The following COPS7B variants were observed in gnomAD, a reference collection of about 807,000 sequenced individuals.
COPS7B encodes COP9 signalosome subunit 7B.
A neutral mutation model predicts 33.4 loss-of-function variants in COPS7B; 9 were observed. That is an observed-to-expected ratio of 0.27 (90% confidence interval 0.16 to 0.47). The LOEUF is 0.47. Ranked by LOEUF, COPS7B falls within the 20% of genes least tolerant of loss-of-function variation. COPS7B has a pLI of 0.99. For missense variants in COPS7B, 242 were observed against 318.2 expected (o/e 0.76, Z 1.82); for synonymous variants, 119 against 126.3 (o/e 0.94, Z 0.39).
At chr2:231,797,484 A>G (rs1347382489) in intron 5 of COPS7B, among the ~76,000 whole-genome samples, 1 of 152,246 alleles carries the variant, frequency 6.6e-6, no homozygotes, top group African/African-American at 2.4e-5. Context: ...GAACCTGCCA[A>G]AGTTGGCTGT....
At chr2:231,796,409 G>A (rs1574666401) in intron 5 of COPS7B, 101 bp downstream of exon 5, 3 of 1,020,110 alleles carry the variant, frequency 2.9e-6, no homozygotes, top group East Asian at 2.6e-5. Flanking sequence ...GGGTGGGCCT[G>A]TAGCTACCTG....
chr2:231,781,726 A>G (rs1038774694), upstream of COPS7B: 3 of 946,196 alleles, frequency 3.2e-6, no homozygotes, highest in African/African-American at 1.6e-5. Flanking sequence ...TGTGCCGCGC[A>G]GTGTGCGCAA....
intron 6 of COPS7B, among the ~76,000 whole-genome samples, chr2:231,801,778 T>A (rs1274024658): frequency 6.6e-6 from 1 of 151,968 alleles, no homozygotes; most frequent in Admixed American, 6.6e-5. Flanking sequence ...TACTTTTCTT[T>A]TTTTCTTTTT....
intron 6 of COPS7B, among the ~76,000 whole-genome samples, chr2:231,803,708 C>T (rs2049812530): frequency 1.3e-5 from 2 of 152,112 alleles, no homozygotes; most frequent in Admixed American, 1.3e-4. Context: ...TAGGGAGTGG[C>T]AGTACAGAAA....
At chr2:231,783,062 C>G (rs543863214), upstream of COPS7B, among the ~76,000 whole-genome samples, 2 of 152,260 alleles carry the variant, frequency 1.3e-5, no homozygotes, top group East Asian at 3.9e-4. Context: ...ACAGTATGTA[C>G]AGTATGTGTC....
Position 231,807,598 on chromosome 2 carries a change from A to C in COPS7B, c.748A>C (p.Thr250Pro), listed in dbSNP as rs368362019. 1.2e-4 allele frequency: 184 copies of C among 1,585,398 alleles called. No individual in the cohort carries two copies. Among genetic ancestry groups the C allele is most frequent in the Non-Finnish European group, 1.5e-4 (180 of 1,165,586 alleles). The change falls in exon 7 of 7, where the codon ACC (threonine) becomes CCC (proline). Residue 250 changes from threonine (T) to proline (P), a missense_variant. Coordinates refer to ENST00000350033, the MANE Select transcript of COPS7B (RefSeq NM_022730.4). ...CCCTCACGCTGAGCAGAGGCAGCCC[A>C]CCAAGAAGATGTCCAAAGTGAAAGG... ...CPPHAEQRQP[T>P]KKMSKVKGLV... is the part of the protein sequence containing the mutation.
At chr2:231,790,209 C>T (rs931498921) in intron 2 of COPS7B, 2 of 152,038 alleles carry the variant, frequency 1.3e-5, no homozygotes, top group African/African-American at 4.8e-5. Flanking sequence ...ATGAATATGC[C>T]AAGTAGTTGT....
upstream of COPS7B, among the ~76,000 whole-genome samples, chr2:231,784,401 G>A (rs978416573): frequency 6.6e-6 from 1 of 152,010 alleles, no homozygotes; most frequent in African/African-American, 2.4e-5. Context: ...AGGATCCCTT[G>A]AGCCCAGAAG....
chr2:231,787,006 C>G (rs550595990), intron 1 of COPS7B, among the ~76,000 whole-genome samples: 1 of 152,246 alleles, frequency 6.6e-6, no homozygotes, highest in East Asian at 1.9e-4. Context: ...CTCTCCACCC[C>G]CACCTCCTAA....
intron 6 of COPS7B, among the ~76,000 whole-genome samples, chr2:231,800,190 G>A (rs1483673105): frequency 6.6e-6 from 1 of 152,236 alleles, no homozygotes; most frequent in East Asian, 1.9e-4. Flanking sequence ...AACACTTTGA[G>A]AGACCGAGGA....
chr2:231,796,029 G>A (rs757699495), intron 4 of COPS7B, 77 bp from the exon 5 acceptor site: 1 of 1,251,102 alleles, frequency 8.0e-7, no homozygotes, highest in Non-Finnish European at 1.2e-6. Context: ...GCAGCTGTTG[G>A]CTATGGGAGT....
chr2:231,801,013 TACAAAGAATC>T lies in COPS7B; in HGVS notation c.636+2051_636+2060del, dbSNP rs1470630858. The T allele has an allele frequency of 1.7e-5, 13 of 780,508 alleles. No homozygotes were observed. The African/African-American group carries it at 2.3e-4, about 14-fold the overall frequency. 48.3% of individuals were successfully genotyped at this position (780,508 alleles called of 1,614,324 possible). On this transcript the variant is annotated intron_variant, in intron 6 of 6. Coordinates refer to ENST00000350033, the MANE Select transcript of COPS7B (RefSeq NM_022730.4). ...TACTGACTTGAAAGGAAAAGAAATC[TACAAAGAATC>T]AGGGTGATTCTGTCGTATTCTGTTT...
At chr2:231,807,231 A>T (rs2049919816) in intron 6 of COPS7B, among the ~76,000 whole-genome samples, 1 of 152,164 alleles carries the variant, frequency 6.6e-6, no homozygotes, top group South Asian at 2.1e-4. Flanking sequence ...ACTGTTGGTG[A>T]TGTGCCTCTT....
At chr2:231,794,098 C>G (rs764745781) in intron 3 of COPS7B, 165 bp from the exon 4 acceptor site, 1 of 539,104 alleles carries the variant, frequency 1.9e-6, no homozygotes, top group Non-Finnish European at 3.3e-6. Flanking sequence ...TTTGGAAGTA[C>G]ATAGTCTTCC....
rs1370024635 is a variant in COPS7B, at chr2:231,807,688, G to T, written c.*43G>T. 4.0e-6 allele frequency: 6 copies of T among 1,513,238 alleles called. No homozygotes were observed. The highest frequency in any genetic ancestry group is 1.2e-5 in the South Asian group (1 of 80,694). The allele number at this position is 1,513,238 out of a possible 1,614,324, so 93.7% of individuals were successfully genotyped here. A position where few individuals can be genotyped will look rare whatever the true frequency, so the allele number is the denominator to read the frequency against. On this transcript the variant is annotated 3_prime_UTR_variant, in exon 7 of 7. Coordinates refer to ENST00000350033, the MANE Select transcript of COPS7B (RefSeq NM_022730.4). ...GGCACTCACCAGGCCTGGGTCAGGT[G>T]GGGAGGGGACACCAAGGGCCCATTT... is the stretch of plus-strand genomic sequence containing the variant.
At chr2:231,800,227 C>T (rs894131698) in intron 6 of COPS7B, among the ~76,000 whole-genome samples, 5 of 152,166 alleles carry the variant, frequency 3.3e-5, no homozygotes, top group South Asian at 2.1e-4. Context: ...TCCAGGAGTT[C>T]GAGACCAGCC....
intron 6 of COPS7B, among the ~76,000 whole-genome samples, chr2:231,803,281 C>T (rs1209590817): frequency 2.0e-5 from 3 of 151,940 alleles, no homozygotes; most frequent in African/African-American, 4.8e-5. Context: ...TGGGGAGGAG[C>T]GGTAACCCCC....
At position 231,801,104 on chromosome 2, in the gene COPS7B, G is replaced by A. The variant is rs1213364565; in HGVS notation, c.636+2140G>A. 3 of 1,547,290 alleles carry A rather than the reference G, an allele frequency of 1.9e-6. No homozygotes were observed. The African/African-American group carries it at 4.1e-5, about 21-fold the overall frequency. Reference sequence around the variant, plus strand: ...CTTTTAAAAGCCAATTTTGTCAACTGATTGGTGATCTTTTCTTTATTTGTC... The same window carrying A: ...CTTTTAAAAGCCAATTTTGTCAACTAATTGGTGATCTTTTCTTTATTTGTC... On this transcript the variant is annotated intron_variant, in intron 6 of 6. Transcript: ENST00000350033.
chr2:231,791,413 A>G (rs895710759), intron 2 of COPS7B, among the ~76,000 whole-genome samples: 1 of 152,204 alleles, frequency 6.6e-6, no homozygotes, highest in African/African-American at 2.4e-5. Context: ...TTTTAATGCA[A>G]ACAGAATCTT....
Sources: allele counts gnomAD v4.1 joint callset (sites outside exome capture counted in the v4.1 genomes callset), GRCh38; gene constraint gnomAD v4.1.1; transcripts MANE v1.5; gene names NCBI Gene and HGNC (gene_info 2026-07-23, HGNC 2026-07-21).